KIAA1958: variants seen among roughly 807,000 people sequenced by gnomAD.
KIAA1958 encodes the protein KIAA1958, also known as uncharacterized protein KIAA1958.
Under a neutral mutation model 47.2 loss-of-function variants are expected in KIAA1958, and 14 were observed. The observed-to-expected ratio is 0.30, with a 90% confidence interval of 0.20 to 0.46. KIAA1958 has a LOEUF of 0.46. Ranked by LOEUF, KIAA1958 falls within the 20% of genes least tolerant of loss-of-function variation. The probability of loss-of-function intolerance (pLI) is 1.00; values close to 1 mark genes in which losing one functional copy is unlikely to be tolerated. For synonymous variants in KIAA1958, 354 were observed against 353.3 expected, an observed-to-expected ratio of 1.00 and a Z score of -0.02; for missense variants, 803 against 909.2, an observed-to-expected ratio of 0.88 and a Z score of 1.50.
intron 2 of KIAA1958, among the ~76,000 whole-genome samples, chr9:112,610,693 G>A (rs1836312623): frequency 1.3e-5 from 2 of 152,158 alleles, no homozygotes; most frequent in South Asian, 2.1e-4. Flanking sequence ...ATCAGACCTA[G>A]ATGGTTCCAC....
intron 2 of KIAA1958, among the ~76,000 whole-genome samples, chr9:112,623,431 C>CTCTTTT (rs1836545585): frequency 6.6e-6 from 1 of 152,194 alleles, no homozygotes; most frequent in Non-Finnish European, 1.5e-5. Flanking sequence ...ATTAAGCACT[C>CTCTTTT]TCTTTTTCTG....
chr9:112,503,501 T>C (rs1367288371), intron 1 of KIAA1958, among the ~76,000 whole-genome samples: 2 of 150,396 alleles, frequency 1.3e-5, no homozygotes, highest in Non-Finnish European at 2.9e-5. Flanking sequence ...TAAAAAAAAT[T>C]AGCCAAGTGT....
At chr9:112,529,384 C>T (rs1191442163) in intron 1 of KIAA1958, among the ~76,000 whole-genome samples, 1 of 152,078 alleles carries the variant, frequency 6.6e-6, no homozygotes, top group Non-Finnish European at 1.5e-5. Context: ...TTTGAATTTC[C>T]TTAGTTTTTA....
In KIAA1958 at chr9:112,617,751, C is replaced by T. The variant is rs192852610; in HGVS notation, c.1172-27899C>T. ...GTAAATAACATTTATCAGTGATCTC[C>T]GTAAAACTGATTCCTCCTTTCCCTT... is the stretch of plus-strand genomic sequence containing the variant. On this transcript the variant is annotated intron_variant, in intron 2 of 3. Coordinates refer to ENST00000337530, the MANE Select transcript of KIAA1958 (RefSeq NM_133465.4). 177 of 783,486 alleles carry T rather than the reference C, an allele frequency of 2.3e-4. No individual in the cohort carries two copies. The East Asian group carries it at 4.0e-3, about 18-fold the overall frequency. 48.5% of individuals were successfully genotyped at this position (783,486 alleles called of 1,614,324 possible).
chr9:112,590,640 A>G (rs1189181472), intron 2 of KIAA1958, among the ~76,000 whole-genome samples: 1 of 152,058 alleles, frequency 6.6e-6, no homozygotes, highest in African/African-American at 2.4e-5. Context: ...CATGAGCCAC[A>G]GCGCCGGGCC....
At chr9:112,625,369 G>A (rs1253629225) in intron 2 of KIAA1958, among the ~76,000 whole-genome samples, 2 of 152,050 alleles carry the variant, frequency 1.3e-5, no homozygotes, top group Non-Finnish European at 1.5e-5. Flanking sequence ...GCCCAGGCTG[G>A]TCTCAAACTC....
chr9:112,598,326 C>T (rs575527989), intron 2 of KIAA1958, among the ~76,000 whole-genome samples: 2 of 152,234 alleles, frequency 1.3e-5, no homozygotes, highest in African/African-American at 4.8e-5. Flanking sequence ...TTTTCAGATG[C>T]GACTGGTGAG....
intron 2 of KIAA1958, among the ~76,000 whole-genome samples, chr9:112,598,216 C>A (rs893553450): frequency 1.3e-5 from 2 of 152,026 alleles, no homozygotes; most frequent in African/African-American, 4.8e-5. Flanking sequence ...CGTGCAAATG[C>A]TTTGAGAGCG....
At chr9:112,576,969 T>TA (rs1229651418) in intron 2 of KIAA1958, among the ~76,000 whole-genome samples, 1 of 152,208 alleles carries the variant, frequency 6.6e-6, no homozygotes. Flanking sequence ...TAGTAATCTA[T>TA]AAAGGTTCTT....
Position 112,532,181 on chromosome 9 carries a change from T to C in KIAA1958, c.-24-41876T>C, listed in dbSNP as rs190626926. Among the ~76,000 whole-genome samples the C allele has an allele frequency of 3.3e-5, 5 of 152,354 alleles. No homozygotes were observed. In the East Asian group the frequency reaches 9.6e-4, roughly 29 times the overall value. On this transcript the variant is annotated intron_variant, in intron 1 of 3. Transcript: ENST00000337530. ...AAGTTGCAGAGTAGCTTTTGTAGGCTGATGTCTGTGGGTGTCCTCTGGATG... is the reference window on the plus strand; with the variant it reads ...AAGTTGCAGAGTAGCTTTTGTAGGCCGATGTCTGTGGGTGTCCTCTGGATG...
chr9:112,640,338 A>C (rs1452808926), intron 2 of KIAA1958, among the ~76,000 whole-genome samples: 1 of 152,064 alleles, frequency 6.6e-6, no homozygotes, highest in African/African-American at 2.4e-5. Flanking sequence ...CCCCACCTGA[A>C]TTACTATTTT....
intron 2 of KIAA1958, among the ~76,000 whole-genome samples, chr9:112,596,338 A>G (rs932429411): frequency 6.6e-6 from 1 of 152,162 alleles, no homozygotes; most frequent in Non-Finnish European, 1.5e-5. Flanking sequence ...TATATTTTAC[A>G]GAATATTTTT....
intron 1 of KIAA1958, among the ~76,000 whole-genome samples, chr9:112,567,653 A>T (rs1835448331): frequency 6.6e-6 from 1 of 152,146 alleles, no homozygotes; most frequent in Non-Finnish European, 1.5e-5. Flanking sequence ...ATCAATCCTG[A>T]AAGATCAAAA....
intron 2 of KIAA1958, among the ~76,000 whole-genome samples, chr9:112,589,128 G>A (rs1835877280): frequency 1.3e-5 from 2 of 152,134 alleles, no homozygotes; most frequent in African/African-American, 4.8e-5. Context: ...TTTTGCAAGG[G>A]TTATAGCTAC....
chr9:112,518,218 A>G (rs1834471550), intron 1 of KIAA1958, among the ~76,000 whole-genome samples: 1 of 152,212 alleles, frequency 6.6e-6, no homozygotes. Flanking sequence ...TTGAAGGCTA[A>G]TTAAAAAAAG....
At position 112,515,894 on chromosome 9, in the gene KIAA1958, TAAAAA is replaced by T. The variant is rs58492221; in HGVS notation, c.-25+28791_-25+28795del. ...AAGAATTATCAATAAAAAAATAAATTAAAAAAAAAAAAAAAAAAAGACTGAATGCT... is the reference window on the plus strand; with the variant it reads ...AAGAATTATCAATAAAAAAATAAATTAAAAAAAAAAAAAAGACTGAATGCT... On this transcript the variant is annotated intron_variant, in intron 1 of 3. Coordinates refer to ENST00000337530, the MANE Select transcript of KIAA1958 (RefSeq NM_133465.4). Among the ~76,000 whole-genome samples the T allele has an allele frequency of 3.9e-3, 382 of 97,118 alleles. 6 individuals are homozygous for T. The highest frequency in any genetic ancestry group is 0.014 in the African/African-American group (360 of 24,866). The allele number at this position is 97,118 out of a possible 152,430, so 63.7% of individuals were successfully genotyped here.
intron 2 of KIAA1958, among the ~76,000 whole-genome samples, chr9:112,587,445 T>C (rs1455049394): frequency 6.6e-6 from 1 of 152,210 alleles, no homozygotes; most frequent in African/African-American, 2.4e-5. Context: ...CTACTGCGCC[T>C]GGCCCAGAAG....
At chr9:112,548,803 TAAA>T (rs1835088845) in intron 1 of KIAA1958, among the ~76,000 whole-genome samples, 1 of 152,224 alleles carries the variant, frequency 6.6e-6, no homozygotes, top group Non-Finnish European at 1.5e-5. Context: ...ATAAGGTCCT[TAAA>T]AAGGTAATTT....
Position 112,574,137 on chromosome 9 carries a change from C to G in KIAA1958, c.57C>G (p.Ala19=), listed in dbSNP as rs565100542. The change falls in exon 2 of 4, where the codon GCC becomes GCG. Residue 19 remains alanine (A), a synonymous_variant. Transcript: ENST00000337530. ...SENLSKLVSW[A]HSHGTICSLI... ...ATCTGTCCAAATTGGTCAGCTGGGC[C>G]CATAGCCATGGGACTATTTGCAGCC... 24 of 1,613,332 alleles carry G rather than the reference C, an allele frequency of 1.5e-5. No individual in the cohort carries two copies. In the Admixed American group the frequency reaches 3.7e-4, roughly 25 times the overall value.
Sources: gnomAD v4.1 joint callset for allele counts (sites outside exome capture counted in the v4.1 genomes callset) on GRCh38, gnomAD v4.1.1 for gene constraint, MANE v1.5 for transcripts, NCBI Gene and HGNC (gene_info 2026-07-23, HGNC 2026-07-21) for gene names.